Variants in GPR107 observed in about 807,000 individuals in gnomAD.
The protein encoded by GPR107 is protein GPR107.
In GPR107, 31 loss-of-function variants were observed where a neutral mutation model predicts 75.5. The ratio of observed to expected loss-of-function variants is 0.41; its 90% confidence interval spans 0.31 to 0.55. GPR107 has a LOEUF of 0.55. Among genes scored for constraint, GPR107 ranks in the 20% least tolerant of loss-of-function variants. The pLI is 0.26. For synonymous variants in GPR107, 267 were observed against 251.3 expected (o/e 1.06, Z -0.59); for missense variants, 572 against 665.7 (o/e 0.86, Z 1.55).
intron 6 of GPR107, among the ~76,000 whole-genome samples, chr9:130,084,760 A>G (rs1830576192): frequency 6.6e-6 from 1 of 150,998 alleles, no homozygotes. Context: ...TGGGTGACAG[A>G]GTGAGACCCT....
chr9:130,098,140 CCCTA>C (rs1161088816), intron 9 of GPR107, among the ~76,000 whole-genome samples: 1 of 152,172 alleles, frequency 6.6e-6, no homozygotes, highest in Non-Finnish European at 1.5e-5. Flanking sequence ...ACCTCAGCCT[CCCTA>C]AGTGTGGGAT....
At chr9:130,096,738 G>A (rs575948108) in intron 9 of GPR107, among the ~76,000 whole-genome samples, 12 of 152,162 alleles carry the variant, frequency 7.9e-5, no homozygotes. Context: ...GATTACAGGC[G>A]TGAGCCACTG....
intron 8 of GPR107, among the ~76,000 whole-genome samples, chr9:130,091,604 C>A (rs1830740691): frequency 6.6e-6 from 1 of 151,236 alleles, no homozygotes; most frequent in South Asian, 2.1e-4. Flanking sequence ...TCTTGCCTCA[C>A]CGCAACCTCC....
At chr9:130,124,354 G>A (rs1238138133) in intron 14 of GPR107, among the ~76,000 whole-genome samples, 1 of 152,196 alleles carries the variant, frequency 6.6e-6, no homozygotes, top group Non-Finnish European at 1.5e-5. Flanking sequence ...GAGCATGCAT[G>A]AAGGTAGGAT....
At position 130,124,970 on chromosome 9, in the gene GPR107, T is replaced by A. The variant is rs1831635891; in HGVS notation, c.1356+6T>A. ...TCAGACATTATTACGTCTTGGTAAGTAAAAAAAAAAAAAATCCTCAATCTA... is the reference window on the plus strand; with the variant it reads ...TCAGACATTATTACGTCTTGGTAAGAAAAAAAAAAAAAAATCCTCAATCTA... On this transcript the variant is annotated splice_donor_region_variant and intron_variant, in intron 15 of 17. Transcript: ENST00000347136. The A allele has an allele frequency of 6.5e-6, 6 of 929,482 alleles. No individual in the cohort carries two copies. The highest frequency in any genetic ancestry group is 3.5e-5 in the African/African-American group (2 of 57,656). The allele number at this position is 929,482 out of a possible 1,614,324, so 57.6% of individuals were successfully genotyped here.
In GPR107 at chr9:130,064,185, CTTTTTTT is replaced by C. The variant is rs1045833413; in HGVS notation, c.141+10129_141+10135del. Among the ~76,000 whole-genome samples, 33 of 82,590 alleles carry C rather than the reference CTTTTTTT, an allele frequency of 4.0e-4. 1 individual carries two copies. Among genetic ancestry groups the C allele is most frequent in the Non-Finnish European group, 1.8e-4 (8 of 45,404 alleles). 54.2% of individuals were successfully genotyped at this position (82,590 alleles called of 152,430 possible). A position where few individuals can be genotyped will look rare whatever the true frequency, so the allele number is the denominator to read the frequency against. ...GTATCTGAACTATAAAATAGCTTTT[CTTTTTTT>C]TTTTTTTTTTTTTTTTGAGACGGAG... On this transcript the variant is annotated intron_variant, in intron 1 of 17. Transcript: ENST00000347136.
chr9:130,128,928 G>T, intron 17 of GPR107, 167 bp downstream of exon 17: 1 of 633,432 alleles, frequency 1.6e-6, no homozygotes, highest in East Asian at 2.8e-5. Context: ...GTCTGATCTG[G>T]TTTGAAGTAC....
intron 14 of GPR107, 24 bp from the exon 15 acceptor site, chr9:130,124,891 C>T: frequency 6.7e-7 from 1 of 1,487,410 alleles, no homozygotes; most frequent in East Asian, 2.3e-5. Context: ...ACGAGCTCTT[C>T]ATTTTGTTCT....
chr9:130,060,903 T>C (rs1829913059), intron 1 of GPR107, among the ~76,000 whole-genome samples: 1 of 152,208 alleles, frequency 6.6e-6, no homozygotes, highest in South Asian at 2.1e-4. Flanking sequence ...CTAGTCATAT[T>C]AGAAGCCTTC....
In GPR107 at chr9:130,058,579, C is replaced by T. The variant is rs541777120; in HGVS notation, c.141+4506C>T. 1.3e-3 allele frequency among the ~76,000 whole-genome samples: 193 copies of T among 152,200 alleles called. 1 individual carries two copies. The highest frequency in any genetic ancestry group is 2.3e-3 in the Non-Finnish European group (154 of 68,014). ...TCCCAGGTTCAGGCGATTCTCCTGC[C>T]TCAGCCTCCCGAGTAGCTGAGATTA... On this transcript the variant is annotated intron_variant, in intron 1 of 17. Coordinates refer to ENST00000347136, the MANE Select transcript of GPR107 (RefSeq NM_020960.5).
chr9:130,090,811 TAAAAG>T (rs1225568745), intron 7 of GPR107, 60 bp from the exon 8 acceptor site: 85 of 615,454 alleles, frequency 1.4e-4, no homozygotes, highest in South Asian at 5.7e-4. Flanking sequence ...AAAGAAAAAA[TAAAAG>T]AAAAAATATA....
Position 130,092,528 on chromosome 9 carries a change from C to T in GPR107, c.863+147C>T, listed in dbSNP as rs150319358. On this transcript the variant is annotated intron_variant, in intron 9 of 17. Coordinates refer to ENST00000347136, the MANE Select transcript of GPR107 (RefSeq NM_020960.5). ...TCCCGGAAACAGTATGAAGATTGTG[C>T]GGGAGCATTATGGTGTGGGAGCCCT... is the stretch of plus-strand genomic sequence containing the variant. 171 of 683,926 alleles carry T rather than the reference C, an allele frequency of 2.5e-4. 1 individual carries two copies. In the East Asian group the frequency reaches 4.1e-3, roughly 16 times the overall value. 42.4% of individuals were successfully genotyped at this position (683,926 alleles called of 1,614,324 possible).
chr9:130,083,383 T>A, intron 5 of GPR107, 182 bp from the exon 6 acceptor site: 1 of 392,410 alleles, frequency 2.5e-6, no homozygotes, highest in Non-Finnish European at 4.6e-6. Context: ...AAGGTCTAAT[T>A]TGCTGCTTCG....
At chr9:130,099,592 G>C in intron 10 of GPR107, 60 bp downstream of exon 10, 1 of 933,366 alleles carries the variant, frequency 1.1e-6, no homozygotes. Context: ...GTGTGAGCAG[G>C]CAAAAGAAAT....
intron 1 of GPR107, among the ~76,000 whole-genome samples, chr9:130,068,752 T>C (rs564056247): frequency 1.4e-5 from 2 of 146,416 alleles, no homozygotes; most frequent in African/African-American, 5.0e-5. Flanking sequence ...CTCTTTTTTA[T>C]TTTTTTTGAG....
chr9:130,095,019 CAAAG>C (rs1400084166), intron 9 of GPR107, among the ~76,000 whole-genome samples: 2 of 151,332 alleles, frequency 1.3e-5, no homozygotes, highest in South Asian at 4.2e-4. Context: ...TTATTTTTTT[CAAAG>C]AAAGTTCTAC....
chr9:130,062,420 GATAATAATAATAATA>G lies in GPR107; in HGVS notation c.141+8372_141+8386del, dbSNP rs10578697. On this transcript the variant is annotated intron_variant, in intron 1 of 17. Transcript: ENST00000347136. Reference sequence around the variant, plus strand: ...AAGAGCAAGACCCTGTCTCGAAAATGATAATAATAATAATAATAATAATAATAATAATAATAATAG... The same window carrying G: ...AAGAGCAAGACCCTGTCTCGAAAATGATAATAATAATAATAATAATAATAG... Among the ~76,000 whole-genome samples, 166 of 139,876 alleles carry G rather than the reference GATAATAATAATAATA, an allele frequency of 1.2e-3. 1 individual carries two copies. The highest frequency in any genetic ancestry group is 4.0e-3 in the African/African-American group (153 of 38,094). The allele number at this position is 139,876 out of a possible 152,430, so 91.8% of individuals were successfully genotyped here.
Position 130,079,716 on chromosome 9 carries a change from A to T in GPR107, c.473A>T (p.Gln158Leu), listed in dbSNP as rs1830446982. Residue 158 changes from glutamine to leucine, a missense_variant, in exon 5 of 18, where the codon CAG becomes CTG. Gln to Leu is a moderately radical substitution (Grantham distance 113). Coordinates refer to ENST00000347136, the MANE Select transcript of GPR107 (RefSeq NM_020960.5). ...GATGAGAAAGTCCTTGGTCAGAGCC[A>T]GGAGCCTAATGTTAACCCTGCTTCA... ...SRDEKVLGQS[Q>L]EPNVNPASAG... 4.3e-6 allele frequency: 7 copies of T among 1,613,040 alleles called. No homozygotes were observed. The highest frequency in any genetic ancestry group is 5.1e-6 in the Non-Finnish European group (6 of 1,179,096).
intron 1 of GPR107, among the ~76,000 whole-genome samples, chr9:130,056,654 A>G (rs1028333715): frequency 6.6e-6 from 1 of 151,038 alleles, no homozygotes; most frequent in African/African-American, 2.4e-5. Flanking sequence ...GGCTGGGCGC[A>G]GTGGCTCACG....
Sources: gnomAD v4.1 joint callset for allele counts (sites outside exome capture counted in the v4.1 genomes callset) on GRCh38, gnomAD v4.1.1 for gene constraint, MANE v1.5 for transcripts, NCBI Gene and HGNC (gene_info 2026-07-23, HGNC 2026-07-21) for gene names.